The following MBNL1 variants were observed in gnomAD, a reference collection of about 807,000 sequenced individuals.
The protein encoded by MBNL1 is muscleblind like splicing regulator 1.
MBNL1 carries 8 observed loss-of-function variants against 42.2 expected under a neutral mutation model. The observed-to-expected ratio is 0.19, with a 90% CI of 0.11 to 0.34. The LOEUF (loss-of-function observed/expected upper bound fraction) is 0.34. Ranked by LOEUF, MBNL1 falls within the 10% of genes least tolerant of loss-of-function variation. The pLI, the probability that MBNL1 is intolerant of heterozygous loss-of-function variation, is 1.00. For synonymous variants in MBNL1, 169 were observed against 173.9 expected, an observed-to-expected ratio of 0.97 and a Z score of 0.22; for missense variants, 309 against 495.3, an observed-to-expected ratio of 0.62 and a Z score of 3.57.
intron 2 of MBNL1, among the ~76,000 whole-genome samples, chr3:152,400,935 C>T (rs1560450049): frequency 6.6e-6 from 1 of 152,120 alleles, no homozygotes; most frequent in Non-Finnish European, 1.5e-5. Flanking sequence ...ATATGTAAAC[C>T]AACCTGTGGT....
chr3:152,313,934 A>G (rs1242639285), intron 2 of MBNL1, among the ~76,000 whole-genome samples: 2 of 152,234 alleles, frequency 1.3e-5, no homozygotes, highest in African/African-American at 2.4e-5. Flanking sequence ...TTAAGTATGA[A>G]TGGAAAAATG....
chr3:152,259,519 G>A lies in MBNL1; in HGVS notation n.333+15079G>A, dbSNP rs375279117. On this transcript the variant is annotated intron_variant and non_coding_transcript_variant, in intron 2 of 2. Transcript: ENST00000477171. Reference sequence around the variant, plus strand: ...ATTTTCAAATATTAATCCAAAAGCCGACATGCTGTACTTCTTGAAGTTATC... The same window carrying A: ...ATTTTCAAATATTAATCCAAAAGCCAACATGCTGTACTTCTTGAAGTTATC... Among the ~76,000 whole-genome samples, 25 of 152,198 alleles carry A rather than the reference G, an allele frequency of 1.6e-4. 1 individual carries two copies. The highest frequency in any genetic ancestry group is 5.1e-4 in the African/African-American group (21 of 41,532).
At chr3:152,277,796 TAA>T (rs1158297896) in intron 1 of MBNL1, among the ~76,000 whole-genome samples, 2 of 152,064 alleles carry the variant, frequency 1.3e-5, no homozygotes, top group Non-Finnish European at 2.9e-5. Flanking sequence ...TCCCATGAAA[TAA>T]AGACAGTTTT....
At chr3:152,329,883 C>T (rs2083138456) in intron 2 of MBNL1, among the ~76,000 whole-genome samples, 1 of 151,388 alleles carries the variant, frequency 6.6e-6, no homozygotes, top group African/African-American at 2.4e-5. Context: ...ATTTATTTAT[C>T]TGTCAAAGGA....
At chr3:152,416,013 T>C (rs1490698231) in intron 3 of MBNL1, among the ~76,000 whole-genome samples, 1 of 152,228 alleles carries the variant, frequency 6.6e-6, no homozygotes, top group African/African-American at 2.4e-5. Flanking sequence ...TATCTGTCAG[T>C]AATTTATGTC....
intron 8 of MBNL1, among the ~76,000 whole-genome samples, chr3:152,457,086 A>G (rs1024204970): frequency 2.6e-5 from 4 of 152,206 alleles, no homozygotes; most frequent in Non-Finnish European, 5.9e-5. Context: ...GATTTGTTTC[A>G]TAAATTTAAA....
At chr3:152,326,688 A>G (rs575343584) in intron 2 of MBNL1, among the ~76,000 whole-genome samples, 1 of 152,186 alleles carries the variant, frequency 6.6e-6, no homozygotes, top group East Asian at 1.9e-4. Context: ...TCAGAATCAG[A>G]TATTCTCTTC....
chr3:152,262,638 A>G (rs1010300078), intron 2 of MBNL1: 3 of 152,216 alleles, frequency 2.0e-5, no homozygotes, highest in Non-Finnish European at 4.4e-5. Flanking sequence ...TTTGTTTTCT[A>G]TATGGAACAG....
chr3:152,350,322 G>A (rs574076250), intron 2 of MBNL1, among the ~76,000 whole-genome samples: 1 of 152,268 alleles, frequency 6.6e-6, no homozygotes, highest in Admixed American at 6.5e-5. Flanking sequence ...GTAGAATTGG[G>A]AGAGAGGAGG....
chr3:152,310,603 G>A (rs2065803005), intron 2 of MBNL1, among the ~76,000 whole-genome samples: 1 of 152,186 alleles, frequency 6.6e-6, no homozygotes, highest in South Asian at 2.1e-4. Context: ...TTAAGCAACT[G>A]TGCTGTTTAA....
Position 152,434,396 on chromosome 3 carries a change from A to G in MBNL1, c.549+1476A>G, listed in dbSNP as rs371472516. ...AAAGGACATGATCTCATTCTTTTTT[A>G]TGTCTGCATAGTATTCCATGGTGTA... On this transcript the variant is annotated intron_variant, in intron 4 of 9. Transcript: ENST00000324210. 4.9e-4 allele frequency among the ~76,000 whole-genome samples: 74 copies of G among 152,194 alleles called. 3 individuals are homozygous for G. In the South Asian group the frequency reaches 0.015, roughly 31 times the overall value.
chr3:152,277,809 C>G lies in MBNL1; in HGVS notation c.-790+8717C>G, dbSNP rs146042378. Among the ~76,000 whole-genome samples the G allele has an allele frequency of 4.6e-5, 7 of 151,962 alleles. No individual in the cohort carries two copies. The East Asian group carries it at 1.4e-3, about 29-fold the overall frequency. ...ATTCCCATGAAATAAAGACAGTTTT[C>G]AAGAAAAATATTCTATTTATAAATA... On this transcript the variant is annotated intron_variant, in intron 1 of 9. Transcript: ENST00000324210.
At chr3:152,415,190 C>T (rs1052086764) in intron 3 of MBNL1, 79 bp downstream of exon 3, 19 of 1,308,258 alleles carry the variant, frequency 1.5e-5, no homozygotes, top group African/African-American at 4.6e-5. Context: ...ATTATTGCAC[C>T]GGATCAAATG....
chr3:152,251,331 A>C (rs2034489273), intron 2 of MBNL1, among the ~76,000 whole-genome samples: 1 of 152,120 alleles, frequency 6.6e-6, no homozygotes, highest in South Asian at 2.1e-4. Context: ...GTTTTAAAAC[A>C]TTTATACATG....
rs374982098 is a variant in MBNL1 at position 152,287,509 on chromosome 3, C to A, written c.-789-11896C>A. On this transcript the variant is annotated intron_variant, in intron 1 of 9. Transcript: ENST00000324210. ...TTTAGCCTTGATTGATTATGGTTGC[C>A]AAAATTTAATGGAATTAAAAATAAC... is the stretch of plus-strand genomic sequence containing the variant. Among the ~76,000 whole-genome samples the A allele has an allele frequency of 3.9e-4, 59 of 152,100 alleles. No individual in the cohort carries two copies. The South Asian group carries it at 0.012, about 32-fold the overall frequency.
intron 1 of MBNL1, among the ~76,000 whole-genome samples, chr3:152,273,133 C>T (rs2042892078): frequency 6.6e-6 from 1 of 152,030 alleles, no homozygotes; most frequent in South Asian, 2.1e-4. Context: ...AAGAATGATC[C>T]CCATTAACTT....
chr3:152,332,774 G>T, intron 2 of MBNL1, among the ~76,000 whole-genome samples: 1 of 149,550 alleles, frequency 6.7e-6, no homozygotes, highest in East Asian at 2.0e-4. Flanking sequence ...GTTTATATTA[G>T]GTTAGAGTTT....
chr3:152,459,429 C>G (rs75748187), intron 9 of MBNL1, 84 bp downstream of exon 9: 3 of 597,394 alleles, frequency 5.0e-6, no homozygotes, highest in Non-Finnish European at 8.0e-6. Context: ...TAAAATTTTG[C>G]GAAATCTCTG....
At chr3:152,287,022 A>G (rs1452794961) in intron 1 of MBNL1, among the ~76,000 whole-genome samples, 1 of 152,138 alleles carries the variant, frequency 6.6e-6, no homozygotes, top group African/African-American at 2.4e-5. Flanking sequence ...GATTGAGACC[A>G]TCCTGGCTAA....
Sources: gnomAD v4.1 joint callset for allele counts (sites outside exome capture counted in the v4.1 genomes callset) on GRCh38, gnomAD v4.1.1 for gene constraint, MANE v1.5 for transcripts, NCBI Gene and HGNC (gene_info 2026-07-23, HGNC 2026-07-21) for gene names.